FNDC3A: variants seen among roughly 807,000 people sequenced by gnomAD.
FNDC3A encodes fibronectin type-III domain-containing protein 3A.
Under a neutral mutation model 148.9 loss-of-function variants are expected in FNDC3A, and 32 were observed. That is an observed-to-expected ratio of 0.21 (90% CI 0.16 to 0.29). FNDC3A has a LOEUF of 0.29. Among genes scored for constraint, FNDC3A ranks in the 10% least tolerant of loss-of-function variants. The probability of loss-of-function intolerance (pLI) is 1.00; values close to 1 mark genes in which losing one functional copy is unlikely to be tolerated. For synonymous variants in FNDC3A, 472 were observed against 473.6 expected (o/e 1.00, Z 0.04); for missense variants, 1,191 against 1,452.8 (o/e 0.82, Z 2.93).
intron 3 of FNDC3A, among the ~76,000 whole-genome samples, chr13:49,105,558 C>T (rs780028129): frequency 9.9e-5 from 15 of 152,164 alleles, no homozygotes; most frequent in Non-Finnish European, 1.9e-4. Flanking sequence ...TCCTTGAACT[C>T]CAGAATAGTA....
At chr13:48,990,588 C>CA (rs58007137) in intron 1 of FNDC3A, among the ~76,000 whole-genome samples, 14,431 of 58,160 alleles carry the variant, frequency 0.25, 1,723 homozygotes, top group African/African-American at 0.33. Context: ...CCTGTCTCTC[C>CA]AAAAAAAAAA....
chr13:49,037,787 GGA>G (rs1210132316), intron 2 of FNDC3A, among the ~76,000 whole-genome samples: 1 of 152,170 alleles, frequency 6.6e-6, no homozygotes, highest in Non-Finnish European at 1.5e-5. Flanking sequence ...GGCAGGTGCA[GGA>G]GCCAGAGCAA....
intron 3 of FNDC3A, among the ~76,000 whole-genome samples, chr13:49,081,981 T>C (rs1177491015): frequency 6.6e-6 from 1 of 151,810 alleles, no homozygotes; most frequent in Non-Finnish European, 1.5e-5. Flanking sequence ...TTTTTTTTTT[T>C]TTAACAAAAA....
intron 4 of FNDC3A, among the ~76,000 whole-genome samples, chr13:49,127,315 G>T (rs566359502): frequency 2.2e-4 from 33 of 152,266 alleles, no homozygotes; most frequent in Admixed American, 1.2e-3. Flanking sequence ...TTCACTACTT[G>T]TATGAGCCAC....
At position 49,090,696 on chromosome 13, in the gene FNDC3A, T is replaced by C. The variant is rs1879131715; in HGVS notation, c.175+15332T>C. On this transcript the variant is annotated intron_variant, in intron 3 of 25. Coordinates refer to ENST00000492622, the MANE Select transcript of FNDC3A (RefSeq NM_001079673.2). Reference sequence around the variant, plus strand: ...CCGTCTGGGAGCCATGCATTAAAGATTAGGTCAGTCAACATGTACCATAGG... The same window carrying C: ...CCGTCTGGGAGCCATGCATTAAAGACTAGGTCAGTCAACATGTACCATAGG... Among the ~76,000 whole-genome samples the C allele has an allele frequency of 3.3e-5, 5 of 149,414 alleles. No homozygotes were observed. In the South Asian group the frequency reaches 1.1e-3, roughly 32 times the overall value.
At chr13:48,992,643 A>C (rs1951943137) in intron 1 of FNDC3A, among the ~76,000 whole-genome samples, 1 of 152,180 alleles carries the variant, frequency 6.6e-6, no homozygotes, top group South Asian at 2.1e-4. Context: ...TAACAGTTTC[A>C]CAGGTGTATT....
At chr13:48,997,074 A>C (rs940227979) in intron 1 of FNDC3A, among the ~76,000 whole-genome samples, 12 of 152,164 alleles carry the variant, frequency 7.9e-5, no homozygotes, top group Non-Finnish European at 1.8e-4. Flanking sequence ...AAGAAAAAAA[A>C]AAAAAAAGAC....
chr13:49,206,348 CCTAGTGTTCCATTATTGGAACA>C (rs1792892787), intron 25 of FNDC3A, among the ~76,000 whole-genome samples: 2 of 135,068 alleles, frequency 1.5e-5, no homozygotes. Context: ...CTTATTTATG[CCTAGTGTTCCATTATTGGAACA>C]CTAAGCTTGT....
chr13:48,993,497 CATATG>C (rs1364753192), intron 1 of FNDC3A, among the ~76,000 whole-genome samples: 31 of 152,138 alleles, frequency 2.0e-4, no homozygotes, highest in Non-Finnish European at 4.4e-4. Context: ...TTAAAAATCT[CATATG>C]ATAGCACACT....
chr13:49,207,511 A>C lies in FNDC3A; in HGVS notation c.*116A>C, dbSNP rs1385943836. On this transcript the variant is annotated 3_prime_UTR_variant, in exon 26 of 26. Transcript: ENST00000492622. ...TTAGCACTGGCATTGAGACTATAGC[A>C]CATCATTTTTGCCATTTTCAGTGCT... The C allele has an allele frequency of 7.4e-6, 5 of 673,888 alleles. No homozygotes were observed. The highest frequency in any genetic ancestry group is 1.2e-5 in the Non-Finnish European group (5 of 405,234). 41.7% of individuals were successfully genotyped at this position (673,888 alleles called of 1,614,324 possible).
At chr13:49,122,315 C>T (rs1028203119) in intron 4 of FNDC3A, among the ~76,000 whole-genome samples, 2 of 152,140 alleles carry the variant, frequency 1.3e-5, no homozygotes, top group Non-Finnish European at 2.9e-5. Context: ...ATGCTAAAAA[C>T]TTTCAATAAA....
At chr13:49,030,403 A>G (rs1325846162) in intron 2 of FNDC3A, among the ~76,000 whole-genome samples, 2 of 152,186 alleles carry the variant, frequency 1.3e-5, no homozygotes, top group Non-Finnish European at 2.9e-5. Context: ...AAAAAACACA[A>G]TTAACATTGT....
intron 1 of FNDC3A, among the ~76,000 whole-genome samples, chr13:49,003,073 T>C (rs1952155190): frequency 6.6e-6 from 1 of 152,206 alleles, no homozygotes; most frequent in Non-Finnish European, 1.5e-5. Context: ...TTTTCCACTT[T>C]TTTTATTTTC....
intron 2 of FNDC3A, among the ~76,000 whole-genome samples, chr13:49,018,953 G>A (rs1053497340): frequency 6.6e-6 from 1 of 152,206 alleles, no homozygotes; most frequent in African/African-American, 2.4e-5. Context: ...GAGGCAGTCT[G>A]CCCGTTCTCA....
At chr13:49,004,860 G>A (rs921663825) in intron 1 of FNDC3A, among the ~76,000 whole-genome samples, 1 of 151,782 alleles carries the variant, frequency 6.6e-6, no homozygotes, top group Non-Finnish European at 1.5e-5. Context: ...TGATATGCAA[G>A]TGGGAGAAAT....
chr13:48,996,409 T>C (rs1181487931), intron 1 of FNDC3A, among the ~76,000 whole-genome samples: 1 of 152,180 alleles, frequency 6.6e-6, no homozygotes, highest in Non-Finnish European at 1.5e-5. Flanking sequence ...CAAAAATATT[T>C]GGGAAAAAAT....
At chr13:49,080,417 T>G (rs572943972) in intron 3 of FNDC3A, among the ~76,000 whole-genome samples, 2 of 152,318 alleles carry the variant, frequency 1.3e-5, no homozygotes, top group South Asian at 4.1e-4. Context: ...ATTCACTGGT[T>G]TTAACTTAAA....
intron 2 of FNDC3A, among the ~76,000 whole-genome samples, chr13:49,032,733 C>T (rs1402115074): frequency 6.7e-6 from 1 of 149,736 alleles, no homozygotes; most frequent in Non-Finnish European, 1.5e-5. Flanking sequence ...GAGACTCCGT[C>T]TCAAAAAAAA....
At chr13:49,080,503 A>G (rs1426353979) in intron 3 of FNDC3A, among the ~76,000 whole-genome samples, 1 of 152,208 alleles carries the variant, frequency 6.6e-6, no homozygotes, top group Non-Finnish European at 1.5e-5. Context: ...TTTTGAAACA[A>G]TCTAACTTGT....
Sources: gnomAD v4.1 joint callset for allele counts (sites outside exome capture counted in the v4.1 genomes callset) on GRCh38, gnomAD v4.1.1 for gene constraint, MANE v1.5 for transcripts, NCBI Gene and HGNC (gene_info 2026-07-23, HGNC 2026-07-21) for gene names.